NIN: variants seen among roughly 807,000 people sequenced by gnomAD.
The protein encoded by NIN is glycogen synthase kinase 3 beta-interacting protein.
In NIN, 137 loss-of-function variants were observed where a neutral mutation model predicts 257.6. That is an observed-to-expected ratio of 0.53 (90% CI 0.46 to 0.61). The LOEUF is 0.61. Among genes scored for constraint, NIN ranks in the 20% least tolerant of loss-of-function variants. The pLI is 0.00. For missense variants in NIN, 2,439 were observed against 2,501.2 expected (o/e 0.98, Z 0.53); for synonymous variants, 918 against 919.8 (o/e 1.00, Z 0.04).
At chr14:50,797,926 T>G (rs1356456640) in intron 4 of NIN, among the ~76,000 whole-genome samples, 27 of 128,138 alleles carry the variant, frequency 2.1e-4, no homozygotes, top group East Asian at 4.6e-4. Flanking sequence ...AAGAGTGGAG[T>G]GGGAGACTGA....
chr14:50,763,887 C>T lies in NIN; in HGVS notation c.1713G>A (p.Pro571=), dbSNP rs569798011. 4.8e-5 allele frequency: 77 copies of T among 1,613,974 alleles called. No homozygotes were observed. The highest frequency in any genetic ancestry group is 3.2e-4 in the South Asian group (29 of 91,074). The part of the protein sequence containing the change: ...YRAQGRVLRL[P]LKNSPSEEVE... ...CTTCTTCTGACGGTGAGTTCTTCAA[C>T]GGAAGCCTGAGCACTCTGCCTTGTG... The change falls in exon 15 of 31, where the codon CCG becomes CCA. Residue 571 remains proline, a synonymous_variant. Coordinates refer to ENST00000530997, the MANE Select transcript of NIN (RefSeq NM_020921.4).
chr14:50,744,984 A>T (rs886638004), intron 22 of NIN, among the ~76,000 whole-genome samples: 3 of 152,076 alleles, frequency 2.0e-5, no homozygotes, highest in Admixed American at 6.5e-5. Context: ...TAACAACCCA[A>T]AGGCAAGTTT....
At position 50,763,808 on chromosome 14, in the gene NIN, C is replaced by T; in HGVS notation, c.1774+18G>A. 1 of 1,611,304 alleles carries T rather than the reference C, an allele frequency of 6.2e-7. No individual in the cohort carries two copies. The stretch of plus-strand genomic sequence containing the variant: ...CAAGAGTAAAGGCTTTATCTACAGC[C>T]TGTCCGAATGTGTTTACCGTGTTCG... On this transcript the variant is annotated intron_variant, in intron 15 of 30. Coordinates refer to ENST00000530997, the MANE Select transcript of NIN (RefSeq NM_020921.4).
chr14:50,824,153 A>G (rs2045358003), intron 2 of NIN, among the ~76,000 whole-genome samples: 1 of 152,198 alleles, frequency 6.6e-6, no homozygotes, highest in African/African-American at 2.4e-5. Context: ...CTCAAAAGCG[A>G]AAGAATTCTA....
rs985060926 is a variant in NIN at position 50,770,841 on chromosome 14, G to A, written c.1259+11C>T. 2 of 1,610,274 alleles carry A rather than the reference G, an allele frequency of 1.2e-6. No individual in the cohort carries two copies. Among genetic ancestry groups the A allele is most frequent in the Non-Finnish European group, 1.7e-6 (2 of 1,178,398 alleles). Reference sequence around the variant, plus strand: ...GGTGGGTGAGGAGGAGCCTCACTCTGCTGGCCTCACCTGAGGTTGTACTCA... The same window carrying A: ...GGTGGGTGAGGAGGAGCCTCACTCTACTGGCCTCACCTGAGGTTGTACTCA... On this transcript the variant is annotated intron_variant, in intron 11 of 30. Coordinates refer to ENST00000530997, the MANE Select transcript of NIN (RefSeq NM_020921.4).
chr14:50,772,405 G>A lies in NIN; in HGVS notation c.877C>T (p.Arg293Trp), dbSNP rs781377010. 37 of 1,614,022 alleles carry A rather than the reference G, an allele frequency of 2.3e-5. No homozygotes were observed. Among genetic ancestry groups the A allele is most frequent in the Non-Finnish European group, 2.8e-5 (33 of 1,180,022 alleles). Reference sequence around the variant, plus strand: ...CCATCATCCAGGCAGGAGAAGACCCGAAAGCCAATGGTACTTGTCATTGCT... The same window carrying A: ...CCATCATCCAGGCAGGAGAAGACCCAAAAGCCAATGGTACTTGTCATTGCT... ...SSAMTSTIGFRVFSCLDDGMG... is the reference protein window; with the variant it reads ...SSAMTSTIGFWVFSCLDDGMG... The change falls in exon 9 of 31, where the codon CGG becomes TGG. Residue 293 changes from arginine to tryptophan, a missense_variant. Physicochemically the swap from Arg to Trp is moderately radical, Grantham distance 101 (BLOSUM62 -3). Coordinates refer to ENST00000530997, the MANE Select transcript of NIN (RefSeq NM_020921.4).
intron 7 of NIN, among the ~76,000 whole-genome samples, chr14:50,774,105 G>C (rs1053389811): frequency 6.6e-6 from 1 of 152,212 alleles, no homozygotes; most frequent in African/African-American, 2.4e-5. Context: ...TTCAGATTTC[G>C]GCATTTCTAA....
At chr14:50,801,790 A>T (rs2044114103) in intron 4 of NIN, among the ~76,000 whole-genome samples, 1 of 152,236 alleles carries the variant, frequency 6.6e-6, no homozygotes, top group Non-Finnish European at 1.5e-5. Flanking sequence ...TTACAATGAA[A>T]CAATCATCTG....
At chr14:50,793,533 T>TA (rs202093186) in intron 4 of NIN, among the ~76,000 whole-genome samples, 15 of 152,102 alleles carry the variant, frequency 9.9e-5, no homozygotes, top group Admixed American at 2.6e-4. Context: ...GAAACCACAG[T>TA]AAAAAAAATT....
intron 2 of NIN, among the ~76,000 whole-genome samples, chr14:50,829,733 G>A (rs987243720): frequency 2.0e-5 from 3 of 152,196 alleles, no homozygotes; most frequent in African/African-American, 7.2e-5. Flanking sequence ...CTCCCATTTT[G>A]TTGGTGCCTT....
At position 50,754,619 on chromosome 14, in the gene NIN, T is replaced by G; in HGVS notation, c.4678A>C (p.Thr1560Pro). 1 of 1,610,250 alleles carries G rather than the reference T, an allele frequency of 6.2e-7. No individual in the cohort carries two copies. Among genetic ancestry groups the G allele is most frequent in the Non-Finnish European group, 8.5e-7 (1 of 1,178,526 alleles). The change falls in exon 20 of 31, where the codon ACT becomes CCT. Residue 1560 changes from threonine to proline, a missense_variant. By Grantham distance (38) the Thr-to-Pro change is conservative. Transcript: ENST00000530997. ...SQEEMWQKTE[T>P]VKQENAAVQK... ...ACTGCAGCATTTTCTTGTTTTACAG[T>G]TTCCGTTTTTTGCCTAAAAGGAATG...
intron 4 of NIN, among the ~76,000 whole-genome samples, chr14:50,797,955 T>G (rs1358593399): frequency 6.9e-6 from 1 of 144,888 alleles, no homozygotes; most frequent in African/African-American, 2.6e-5. Flanking sequence ...AGGGGAGAGA[T>G]GAGCTGGGGT....
In NIN at chr14:50,766,884, T is replaced by C. The variant is rs376655172; in HGVS notation, c.1441A>G (p.Ser481Gly). Residue 481 changes from serine to glycine, a missense_variant, in exon 13 of 31, where the codon AGT becomes GGT. This residue lies in a region of NIN where 2,043 missense variants were observed against 2,050.2 expected (regional missense o/e 1.00). Coordinates refer to ENST00000530997, the MANE Select transcript of NIN (RefSeq NM_020921.4). ...DRLALSLKEN[S>G]RLENELLENA... ...TCTAGAAGCTCATTTTCCAGACGAC[T>C]GTTTTCCTGAACAAGTATGGGGAAA... The C allele has an allele frequency of 6.2e-7, 1 of 1,610,380 alleles. No individual in the cohort carries two copies. Among genetic ancestry groups the C allele is most frequent in the Non-Finnish European group, 8.5e-7 (1 of 1,176,904 alleles).
intron 3 of NIN, among the ~76,000 whole-genome samples, chr14:50,810,101 G>A (rs1164517174): frequency 6.6e-6 from 1 of 151,896 alleles, no homozygotes; most frequent in East Asian, 1.9e-4. Context: ...CGTGGTGGCG[G>A]GCGCCTGTAG....
At chr14:50,808,287 T>C (rs1452148588) in intron 3 of NIN, among the ~76,000 whole-genome samples, 7 of 152,178 alleles carry the variant, frequency 4.6e-5, no homozygotes, top group Non-Finnish European at 1.0e-4. Context: ...GAGTCAAGGA[T>C]AGGCTCCAGT....
At chr14:50,760,382 CCA>C in intron 16 of NIN, 23 bp from the exon 17 acceptor site, 1 of 1,588,986 alleles carries the variant, frequency 6.3e-7, no homozygotes, top group Non-Finnish European at 8.5e-7. Flanking sequence ...AGTGACACCA[CCA>C]CAAGATTACT....
At chr14:50,810,444 C>A (rs2044539232) in intron 3 of NIN, among the ~76,000 whole-genome samples, 3 of 152,048 alleles carry the variant, frequency 2.0e-5, no homozygotes, top group Non-Finnish European at 2.9e-5. Context: ...GTCATCCCAG[C>A]TATTTGGGAG....
chr14:50,755,882 C>A (rs80111424), intron 18 of NIN, among the ~76,000 whole-genome samples: 1,821 of 151,946 alleles, frequency 0.012, 33 homozygotes, highest in African/African-American at 0.042. Flanking sequence ...CCTAGGCTTG[C>A]CTGGAAACTC....
chr14:50,744,562 T>C (rs1348548097), intron 22 of NIN, among the ~76,000 whole-genome samples, 197 bp from the exon 23 acceptor site: 1 of 152,224 alleles, frequency 6.6e-6, no homozygotes, highest in African/African-American at 2.4e-5. Flanking sequence ...CAGTTGACTG[T>C]TGAAATGTCT....
Sources: gnomAD v4.1 joint callset for allele counts (sites outside exome capture counted in the v4.1 genomes callset) on GRCh38, gnomAD v4.1.1 for gene constraint, gnomAD v4.1.1 regional missense constraint, MANE v1.5 for transcripts, NCBI Gene and HGNC (gene_info 2026-07-23, HGNC 2026-07-21) for gene names.